DCP1B: variants seen among roughly 807,000 people sequenced by gnomAD.
DCP1B encodes decapping mRNA 1B.
DCP1B carries 47 observed loss-of-function variants against 60.5 expected under a neutral mutation model. The observed-to-expected ratio is 0.78, with a 90% CI of 0.61 to 0.99. The LOEUF (loss-of-function observed/expected upper bound fraction) is 0.99, where lower values mean the gene tolerates loss of function less well. DCP1B is among the 50% of genes least tolerant of loss of function. DCP1B has a pLI of 0.00. For synonymous variants in DCP1B, 267 were observed against 280.3 expected (o/e 0.95, Z 0.47); for missense variants, 725 against 756.8 (o/e 0.96, Z 0.49).
intron 3 of DCP1B, among the ~76,000 whole-genome samples, chr12:1,969,347 T>C (rs1017968744): frequency 6.6e-6 from 1 of 152,168 alleles, no homozygotes; most frequent in African/African-American, 2.4e-5. Context: ...GAATCTGAAT[T>C]ACTCACTTGC....
Position 1,952,575 on chromosome 12 carries a change from C to G in DCP1B, c.1365G>C (p.Lys455Asn). 2.5e-6 allele frequency: 4 copies of G among 1,614,190 alleles called. No individual in the cohort carries two copies. The highest frequency in any genetic ancestry group is 3.4e-6 in the Non-Finnish European group (4 of 1,180,028). The change falls in exon 7 of 9, where the codon AAG (lysine) becomes AAC (asparagine). Residue 455 changes from lysine to asparagine, a missense_variant. Coordinates refer to ENST00000280665, the MANE Select transcript of DCP1B (RefSeq NM_152640.5). ...GCTGCTCCTGCTGTACAATCTGAAG[C>G]TTCTTCAGTAACTCTTGAGGGGAGA... Reference protein sequence around the residue: ...GVISPQELLKKLQIVQQEQQL... With the variant: ...GVISPQELLKNLQIVQQEQQL...
rs2032309108 is a variant in DCP1B at position 1,971,610 on chromosome 12, T to C, written c.320-3700A>G. 6.6e-6 allele frequency among the ~76,000 whole-genome samples: 1 copy of C among 152,214 alleles called. No homozygotes were observed. The highest frequency in any genetic ancestry group is 2.4e-5 in the African/African-American group (1 of 41,456). ...TCAGTAGTGGTATTTTCTTTTTAAATTTCTTCAGTGGAAAAACCAAAAGCT... is the reference window on the plus strand; with the variant it reads ...TCAGTAGTGGTATTTTCTTTTTAAACTTCTTCAGTGGAAAAACCAAAAGCT... On this transcript the variant is annotated intron_variant, in intron 3 of 8. Coordinates refer to ENST00000280665, the MANE Select transcript of DCP1B (RefSeq NM_152640.5). This position sits in a 1 kb window ranked among gnomAD's most constrained non-coding sequence, Gnocchi z 4.2.
intron 3 of DCP1B, chr12:1,991,279 A>C: frequency 2.2e-6 from 1 of 454,902 alleles, no homozygotes; most frequent in Non-Finnish European, 4.4e-6. Context: ...TCTACTCCAC[A>C]AAATTGTGAT....
At chr12:1,992,184 A>T in intron 3 of DCP1B, 2 of 169,694 alleles carry the variant, frequency 1.2e-5, no homozygotes. Flanking sequence ...AAAACTTTTC[A>T]TTTCACAGGA....
In DCP1B at chr12:1,949,960, T is replaced by C. The variant is rs2030601486; in HGVS notation, c.1525-626A>G. On this transcript the variant is annotated intron_variant, in intron 7 of 8. Coordinates refer to ENST00000280665, the MANE Select transcript of DCP1B (RefSeq NM_152640.5). ...GCCCTGCCAGAGCCTGTCTGCTGAG[T>C]CTAACTCCCTTGGCAAACAGACCTG... is the stretch of plus-strand genomic sequence containing the variant. 4 of 232,054 alleles carry C rather than the reference T, an allele frequency of 1.7e-5. No individual in the cohort carries two copies. The East Asian group carries it at 3.7e-4, about 22-fold the overall frequency. 14.4% of individuals were successfully genotyped at this position (232,054 alleles called of 1,614,324 possible).
rs561194434 is a variant in DCP1B at position 1,992,104 on chromosome 12, A to T, written c.319+1160T>A. 164 of 330,714 alleles carry T rather than the reference A, an allele frequency of 5.0e-4. 2 individuals carry two copies. The South Asian group carries it at 5.0e-3, about 10-fold the overall frequency. The allele number at this position is 330,714 out of a possible 1,614,324, so 20.5% of individuals were successfully genotyped here. A position where few individuals can be genotyped will look rare whatever the true frequency, so the allele number is the denominator to read the frequency against. ...TGGAATTCCAAGTCTTTAGTAATAA[A>T]CTACAATTGATAAAGTGTACCTTTC... On this transcript the variant is annotated intron_variant, in intron 3 of 8. Coordinates refer to ENST00000280665, the MANE Select transcript of DCP1B (RefSeq NM_152640.5).
rs187114572 is a variant in DCP1B at position 1,964,873 on chromosome 12, C to T, written c.522+685G>A. Among the ~76,000 whole-genome samples the T allele has an allele frequency of 2.6e-5, 4 of 152,166 alleles. No individual in the cohort carries two copies. The East Asian group carries it at 7.7e-4, about 29-fold the overall frequency. On this transcript the variant is annotated intron_variant, in intron 5 of 8. Transcript: ENST00000280665. ...AAATCAGGGAGAGCTCGCTCCATCC[C>T]CCCACTCATCTCCCCCACCTCCAAC...
At chr12:1,981,341 G>T (rs957839298) in intron 3 of DCP1B, among the ~76,000 whole-genome samples, 1 of 152,128 alleles carries the variant, frequency 6.6e-6, no homozygotes, top group Non-Finnish European at 1.5e-5. Flanking sequence ...CCATAGCTTT[G>T]AATAAAGAAA....
chr12:1,976,173 G>C (rs1426896269), intron 3 of DCP1B, among the ~76,000 whole-genome samples: 1 of 152,060 alleles, frequency 6.6e-6, no homozygotes, highest in Non-Finnish European at 1.5e-5. Flanking sequence ...AAGTCATTTT[G>C]GATTAAAGGT....
chr12:1,946,319 T>C (rs746477533), intron 8 of DCP1B, 33 bp from the exon 9 acceptor site: 3 of 1,561,888 alleles, frequency 1.9e-6, no homozygotes, highest in South Asian at 1.2e-5. Context: ...CAAGAGAATG[T>C]TACTTGGTTG....
chr12:1,952,399 C>T lies in DCP1B; in HGVS notation c.1524+17G>A, dbSNP rs1329518256. The T allele has an allele frequency of 6.5e-7, 1 of 1,543,044 alleles. No individual in the cohort carries two copies. On this transcript the variant is annotated intron_variant, in intron 7 of 8. Coordinates refer to ENST00000280665, the MANE Select transcript of DCP1B (RefSeq NM_152640.5). ...TGCTGCCCAGGCTGTTTTATTTTGC[C>T]CCTGGTACATATTTACCTGGAAAAG...
At chr12:1,983,189 T>C (rs531449760) in intron 3 of DCP1B, among the ~76,000 whole-genome samples, 4 of 151,830 alleles carry the variant, frequency 2.6e-5, no homozygotes, top group Admixed American at 2.6e-4. Context: ...TTTTCAAAGA[T>C]AATCAGGTTT....
intron 3 of DCP1B, chr12:1,992,439 A>AAT (rs1300380526): frequency 6.5e-6 from 1 of 153,358 alleles, no homozygotes; most frequent in African/African-American, 2.4e-5. Context: ...TAGGATGAAA[A>AAT]ATATACAGAA....
intron 3 of DCP1B, among the ~76,000 whole-genome samples, chr12:1,986,133 T>C (rs1402661927): frequency 6.6e-6 from 1 of 152,204 alleles, no homozygotes; most frequent in African/African-American, 2.4e-5. Flanking sequence ...TTTTCAAAGG[T>C]GTTTATGTCT....
intron 2 of DCP1B, among the ~76,000 whole-genome samples, chr12:1,996,632 A>AC (rs2040888508): frequency 4.6e-5 from 5 of 108,896 alleles, no homozygotes; most frequent in African/African-American, 1.2e-4. Context: ...AAAAAAAAAA[A>AC]AAAAAAAAAA....
At chr12:1,980,673 C>A (rs1489243389) in intron 3 of DCP1B, among the ~76,000 whole-genome samples, 1 of 84,852 alleles carries the variant, frequency 1.2e-5, no homozygotes, top group African/African-American at 4.0e-5. Flanking sequence ...TTTGGTAATA[C>A]TACCTTTAAC....
At chr12:1,953,739 G>A (rs1259581182) in intron 6 of DCP1B, among the ~76,000 whole-genome samples, 1 of 152,190 alleles carries the variant, frequency 6.6e-6, no homozygotes, top group Admixed American at 6.5e-5. Context: ...GGAAAGAAAC[G>A]GAAGACTTTA....
intron 5 of DCP1B, among the ~76,000 whole-genome samples, chr12:1,956,443 A>G (rs1437440430): frequency 6.6e-6 from 1 of 152,228 alleles, no homozygotes; most frequent in Non-Finnish European, 1.5e-5. Flanking sequence ...CTTGTCCCTC[A>G]GGAACCCAGC....
rs149645047 is a variant in DCP1B at position 1,998,411 on chromosome 12, T to G, written c.151-436A>C. Among the ~76,000 whole-genome samples the G allele has an allele frequency of 7.2e-5, 11 of 152,342 alleles. No homozygotes were observed. In the East Asian group the frequency reaches 2.1e-3, roughly 29 times the overall value. Reference sequence around the variant, plus strand: ...TTTGTTTTCTGGGTTCATTTTCTCCTGCCATATCCAGTGACTTAGGAGAGC... The same window carrying G: ...TTTGTTTTCTGGGTTCATTTTCTCCGGCCATATCCAGTGACTTAGGAGAGC... On this transcript the variant is annotated intron_variant, in intron 1 of 8. Coordinates refer to ENST00000280665, the MANE Select transcript of DCP1B (RefSeq NM_152640.5).
Sources: allele counts gnomAD v4.1 joint callset (sites outside exome capture counted in the v4.1 genomes callset), GRCh38; gene constraint gnomAD v4.1.1; non-coding constraint Gnocchi (gnomAD v3.1); transcripts MANE v1.5; gene names NCBI Gene and HGNC (gene_info 2026-07-23, HGNC 2026-07-21).